The following RANBP9 variants were observed in gnomAD, a reference collection of about 807,000 sequenced individuals.
The protein encoded by RANBP9 is RAN binding protein 9.
In RANBP9, 15 loss-of-function variants were observed where a neutral mutation model predicts 84.3. That is an observed-to-expected ratio of 0.18 (90% CI 0.12 to 0.27). The LOEUF is 0.27. Among genes scored for constraint, RANBP9 ranks in the 10% least tolerant of loss-of-function variants. The pLI, the probability that RANBP9 is intolerant of heterozygous loss-of-function variation, is 1.00. For missense variants in RANBP9, 809 were observed against 912.8 expected, an observed-to-expected ratio of 0.89 and a Z score of 1.46; for synonymous variants, 392 against 349.6, an observed-to-expected ratio of 1.12 and a Z score of -1.35.
intron 13 of RANBP9, among the ~76,000 whole-genome samples, chr6:13,623,465 G>C (rs1483104065): frequency 6.6e-6 from 1 of 152,086 alleles, no homozygotes; most frequent in Admixed American, 6.6e-5. Flanking sequence ...GCAAATTCAG[G>C]ACTTAAAGGT....
chr6:13,626,813 T>C (rs768615473), intron 12 of RANBP9, among the ~76,000 whole-genome samples: 5 of 152,218 alleles, frequency 3.3e-5, no homozygotes, highest in Non-Finnish European at 5.9e-5. Context: ...ACACCCATTT[T>C]CCATCATTTC....
At chr6:13,635,584 C>A in intron 10 of RANBP9, among the ~76,000 whole-genome samples, 1 of 149,684 alleles carries the variant, frequency 6.7e-6, no homozygotes. Flanking sequence ...TGTGTGTGTG[C>A]ATGCATACAC....
At chr6:13,666,476 T>C (rs1332061525) in intron 2 of RANBP9, among the ~76,000 whole-genome samples, 1 of 151,380 alleles carries the variant, frequency 6.6e-6, no homozygotes, top group African/African-American at 2.4e-5. Context: ...AATTAAATTA[T>C]TAAGGAATAG....
At chr6:13,691,751 T>C (rs1766326874) in intron 2 of RANBP9, among the ~76,000 whole-genome samples, 1 of 152,130 alleles carries the variant, frequency 6.6e-6, no homozygotes, top group Admixed American at 6.5e-5. Context: ...CTGCAACCTC[T>C]GCCTCCTGTG....
Position 13,639,478 on chromosome 6 carries a change from G to A in RANBP9, c.1525+85C>T, listed in dbSNP as rs1279130720. The A allele has an allele frequency of 3.5e-6, 5 of 1,409,244 alleles. No homozygotes were observed. The Admixed American group carries it at 7.9e-5, about 22-fold the overall frequency. The allele number at this position is 1,409,244 out of a possible 1,614,324, so 87.3% of individuals were successfully genotyped here. A position where few individuals can be genotyped will look rare whatever the true frequency, so the allele number is the denominator to read the frequency against. ...CAAGCGTGAGCCACCGTGCCCAGCT[G>A]GAAATATACAGATTTTCAAAAGGAA... On this transcript the variant is annotated intron_variant, in intron 9 of 13. Coordinates refer to ENST00000011619, the MANE Select transcript of RANBP9 (RefSeq NM_005493.3).
At chr6:13,623,948 G>C (rs1764530104) in intron 13 of RANBP9, among the ~76,000 whole-genome samples, 1 of 152,122 alleles carries the variant, frequency 6.6e-6, no homozygotes, top group African/African-American at 2.4e-5. Flanking sequence ...TCACTTTAAA[G>C]ATTAGTATCA....
In RANBP9 at chr6:13,657,026, C is replaced by G. The variant is rs1584926694; in HGVS notation, c.904+83G>C. 3.1e-6 allele frequency: 4 copies of G among 1,293,976 alleles called. No individual in the cohort carries two copies. In the East Asian group the frequency reaches 9.7e-5, roughly 31 times the overall value. The allele number at this position is 1,293,976 out of a possible 1,614,324, so 80.2% of individuals were successfully genotyped here. ...GAGGCATCCATCTATAAAGGAGAAT[C>G]ACATAATAAATACAACTACCATCCT... On this transcript the variant is annotated intron_variant, in intron 4 of 13. Transcript: ENST00000011619.
At position 13,621,954 on chromosome 6, in the gene RANBP9, G is replaced by C. The variant is rs1371330713; in HGVS notation, c.*408C>G. 1 of 154,028 alleles carries C rather than the reference G, an allele frequency of 6.5e-6. No homozygotes were observed. Among genetic ancestry groups the C allele is most frequent in the Non-Finnish European group, 1.4e-5 (1 of 69,058 alleles). The allele number at this position is 154,028 out of a possible 1,614,324, so 9.5% of individuals were successfully genotyped here. ...CTGATTGAATGCTTATATGGGAGTG[G>C]GGGTCGGAACATCTCCCAATTTGAA... is the stretch of plus-strand genomic sequence containing the variant. On this transcript the variant is annotated 3_prime_UTR_variant, in exon 14 of 14. Coordinates refer to ENST00000011619, the MANE Select transcript of RANBP9 (RefSeq NM_005493.3).
rs1562294424 is a variant in RANBP9, at chr6:13,625,746, C to G, written c.1966G>C (p.Ala656Pro). 1.9e-6 allele frequency: 3 copies of G among 1,608,846 alleles called. No homozygotes were observed. Among genetic ancestry groups the G allele is most frequent in the Non-Finnish European group, 2.6e-6 (3 of 1,175,360 alleles). ...KMLKDAFSLL[A>P]YSDPWNSPVG... ...GGGCTGTTCCAGGGATCTGAATATG[C>G]TAGTAGACTGAATGCATCCTGTTGA... is the stretch of plus-strand genomic sequence containing the variant. Residue 656 changes from alanine to proline, a missense_variant, in exon 13 of 14, where the codon GCA becomes CCA. Ala to Pro is a conservative substitution (Grantham distance 27). Coordinates refer to ENST00000011619, the MANE Select transcript of RANBP9 (RefSeq NM_005493.3).
intron 8 of RANBP9, 71 bp downstream of exon 8, chr6:13,641,128 G>A: frequency 1.0e-6 from 1 of 990,246 alleles, no homozygotes; most frequent in Non-Finnish European, 1.4e-6. Flanking sequence ...GCACGAAAAT[G>A]TCTTTTATTA....
At chr6:13,679,355 TG>T (rs3839573) in intron 2 of RANBP9, among the ~76,000 whole-genome samples, 2 of 152,360 alleles carry the variant, frequency 1.3e-5, no homozygotes, top group East Asian at 3.9e-4. Context: ...TCATTTATCC[TG>T]CCTTTTAATA....
At position 13,632,471 on chromosome 6, in the gene RANBP9, C is replaced by T. The variant is rs554466273; in HGVS notation, c.1846G>A (p.Ala616Thr). 8 of 1,613,578 alleles carry T rather than the reference C, an allele frequency of 5.0e-6. No homozygotes were observed. The highest frequency in any genetic ancestry group is 1.1e-5 in the South Asian group (1 of 91,084). Residue 616 changes from alanine (A) to threonine (T), a missense_variant, in exon 12 of 14, where the codon GCC becomes ACC. Physicochemically the swap from Ala to Thr is moderately conservative, Grantham distance 58 (BLOSUM62 0). This residue lies in a region of RANBP9 where 233 missense variants were observed against 234.4 expected (regional missense o/e 0.99). Coordinates refer to ENST00000011619, the MANE Select transcript of RANBP9 (RefSeq NM_005493.3). ...CCAAAGTGGATCATTCTTTCTATGG[C>T]GGCCTGACTTCCTCCACACAACTGG... Reference protein sequence around the residue: ...RRQLCGGSQAAIERMIHFGRE... With the variant: ...RRQLCGGSQATIERMIHFGRE...
rs145660443 is a variant in RANBP9 at position 13,655,210 on chromosome 6, G to A, written c.904+1899C>T. Among the ~76,000 whole-genome samples, 504 of 152,298 alleles carry A rather than the reference G, an allele frequency of 3.3e-3. 8 individuals carry two copies. The highest frequency in any genetic ancestry group is 0.011 in the African/African-American group (468 of 41,572). ...ATGTAGGCTGGGCACAGTGGCTCAC[G>A]CCTGTAATGCCAGCACTTTGGAAGG... On this transcript the variant is annotated intron_variant, in intron 4 of 13. Coordinates refer to ENST00000011619, the MANE Select transcript of RANBP9 (RefSeq NM_005493.3).
chr6:13,711,553 C>T lies in RANBP9; in HGVS notation c.-48G>A, dbSNP rs987633089. ...GCCACCTCCACCTCTTCTCTCCTTC[C>T]TCCTCTGCTTCCCGGGGGCGCTGTC... is the stretch of plus-strand genomic sequence containing the variant. On this transcript the variant is annotated 5_prime_UTR_variant, in exon 1 of 14. Transcript: ENST00000011619. The T allele has an allele frequency of 1.6e-6, 2 of 1,236,778 alleles. No homozygotes were observed. Among genetic ancestry groups the T allele is most frequent in the African/African-American group, 3.1e-5 (2 of 63,888 alleles). The allele number at this position is 1,236,778 out of a possible 1,614,324, so 76.6% of individuals were successfully genotyped here. A position where few individuals can be genotyped will look rare whatever the true frequency, so the allele number is the denominator to read the frequency against.
At chr6:13,624,479 G>A (rs1253094596) in intron 13 of RANBP9, among the ~76,000 whole-genome samples, 1 of 151,978 alleles carries the variant, frequency 6.6e-6, no homozygotes, top group Admixed American at 6.6e-5. Flanking sequence ...CAATTACCTG[G>A]GAATTAGACT....
chr6:13,661,207 A>T (rs1330309978), intron 2 of RANBP9, among the ~76,000 whole-genome samples: 1 of 152,224 alleles, frequency 6.6e-6, no homozygotes, highest in African/African-American at 2.4e-5. Flanking sequence ...GAAACCTCTT[A>T]ACCAGGATCT....
At chr6:13,634,373 A>G in intron 11 of RANBP9, 58 bp downstream of exon 11, 1 of 1,573,664 alleles carries the variant, frequency 6.4e-7, no homozygotes, top group South Asian at 1.1e-5. Context: ...GTACAAGTAA[A>G]AACATAACCT....
chr6:13,663,420 A>C (rs1335690301), intron 2 of RANBP9, among the ~76,000 whole-genome samples: 10 of 152,180 alleles, frequency 6.6e-5, no homozygotes. Flanking sequence ...CACTTAAAAA[A>C]ATGCTCTTAA....
At chr6:13,641,396 A>T (rs977549111) in intron 7 of RANBP9, 89 bp from the exon 8 acceptor site, 1 of 722,210 alleles carries the variant, frequency 1.4e-6, no homozygotes, top group Non-Finnish European at 2.3e-6. Flanking sequence ...GTTAGTAAGA[A>T]ATCTTTAAAT....
Sources: allele counts gnomAD v4.1 joint callset (sites outside exome capture counted in the v4.1 genomes callset), GRCh38; gene constraint gnomAD v4.1.1; regional missense constraint gnomAD v4.1.1; transcripts MANE v1.5; gene names NCBI Gene and HGNC (gene_info 2026-07-23, HGNC 2026-07-21).